The following CDYL2 variants were observed in gnomAD, a reference collection of about 807,000 sequenced individuals.
The protein encoded by CDYL2 is chromodomain Y-like protein 2.
In CDYL2, 23 loss-of-function variants were observed where a neutral mutation model predicts 49.4. The ratio of observed to expected loss-of-function variants is 0.47; its 90% CI spans 0.34 to 0.66. The LOEUF (loss-of-function observed/expected upper bound fraction) is 0.66, where lower values mean the gene tolerates loss of function less well. Among genes scored for constraint, CDYL2 ranks in the 30% least tolerant of loss-of-function variants. CDYL2 has a pLI of 0.01. For synonymous variants in CDYL2, 360 were observed against 268.8 expected (o/e 1.34, Z -3.32); for missense variants, 678 against 656.4 (o/e 1.03, Z -0.36).
intron 4 of CDYL2, among the ~76,000 whole-genome samples, chr16:80,616,771 C>T (rs143936611): frequency 8.4e-4 from 128 of 152,352 alleles, no homozygotes; most frequent in Non-Finnish European, 1.4e-3. Flanking sequence ...ATAATAAGAA[C>T]TCCAAGAACA....
At chr16:80,706,984 T>C (rs1192654981) in intron 1 of CDYL2, among the ~76,000 whole-genome samples, 3 of 152,096 alleles carry the variant, frequency 2.0e-5, no homozygotes, top group Non-Finnish European at 4.4e-5. Flanking sequence ...TTTCCACCCA[T>C]GTTCTGGGAA....
intron 2 of CDYL2, among the ~76,000 whole-genome samples, chr16:80,679,577 T>C (rs535196205): frequency 3.6e-4 from 55 of 152,314 alleles, no homozygotes; most frequent in Non-Finnish European, 6.9e-4. Context: ...TCACACAAGG[T>C]ACTTTGGAAA....
chr16:80,659,683 T>G (rs1908963807), intron 2 of CDYL2, among the ~76,000 whole-genome samples: 1 of 151,928 alleles, frequency 6.6e-6, no homozygotes, highest in South Asian at 2.1e-4. Context: ...AAAAACTGGT[T>G]AATCAGAAAA....
At chr16:80,646,000 G>A (rs1597146161) in intron 2 of CDYL2, among the ~76,000 whole-genome samples, 1 of 114,626 alleles carries the variant, frequency 8.7e-6, no homozygotes, top group East Asian at 3.3e-4. Flanking sequence ...TGGGGGGAGG[G>A]GGGAGGGGGG....
chr16:80,708,130 G>C (rs892990223), intron 1 of CDYL2, among the ~76,000 whole-genome samples: 19 of 152,138 alleles, frequency 1.2e-4, no homozygotes, highest in African/African-American at 4.6e-4. Context: ...TGGAAGGATA[G>C]GAGGAAACTC....
Position 80,744,057 on chromosome 16 carries a change from A to G in CDYL2, c.25-58928T>C, listed in dbSNP as rs146489642. On this transcript the variant is annotated intron_variant, in intron 1 of 6. Coordinates refer to ENST00000570137, the MANE Select transcript of CDYL2 (RefSeq NM_152342.4). ...ATTTATTCACCCATTTAATATGTTC[A>G]AAACCCCCAGGAATTAGGTATCATT... is the stretch of plus-strand genomic sequence containing the variant. Among the ~76,000 whole-genome samples, 356 of 8,456 alleles carry G rather than the reference A, an allele frequency of 0.042. 1 individual carries two copies. In the South Asian group the frequency reaches 0.46, roughly 11 times the overall value. The allele number at this position is 8,456 out of a possible 152,430, so 5.5% of individuals were successfully genotyped here. A position where few individuals can be genotyped will look rare whatever the true frequency, so the allele number is the denominator to read the frequency against.
chr16:80,604,834 C>T lies in CDYL2; in HGVS notation c.1363-288G>A, dbSNP rs189264876. Among the ~76,000 whole-genome samples, 10 of 152,290 alleles carry T rather than the reference C, an allele frequency of 6.6e-5. No homozygotes were observed. In the East Asian group the frequency reaches 1.9e-3, roughly 29 times the overall value. ...CCAATGGTGATACAAACACAGAGTCCTTTTCTATAGGTGTCATGAAAAAGT... is the reference window on the plus strand; with the variant it reads ...CCAATGGTGATACAAACACAGAGTCTTTTTCTATAGGTGTCATGAAAAAGT... On this transcript the variant is annotated intron_variant, in intron 6 of 6. Transcript: ENST00000570137.
chr16:80,691,815 G>T (rs543995296), intron 1 of CDYL2, among the ~76,000 whole-genome samples: 7 of 152,082 alleles, frequency 4.6e-5, no homozygotes, highest in African/African-American at 1.7e-4. Context: ...GAAACCAACA[G>T]GTTGAGAAGG....
intron 1 of CDYL2, among the ~76,000 whole-genome samples, chr16:80,762,401 A>G (rs1387966593): frequency 6.6e-6 from 1 of 152,188 alleles, no homozygotes; most frequent in African/African-American, 2.4e-5. Flanking sequence ...TGGAAAGAGC[A>G]GAATATGACT....
intron 5 of CDYL2, among the ~76,000 whole-genome samples, chr16:80,610,397 C>G (rs1906542652): frequency 6.6e-6 from 1 of 152,128 alleles, no homozygotes; most frequent in Admixed American, 6.5e-5. Context: ...CCGATAAAAT[C>G]AAGACATCAA....
chr16:80,607,463 C>A (rs1464334216), intron 6 of CDYL2, among the ~76,000 whole-genome samples: 1 of 152,220 alleles, frequency 6.6e-6, no homozygotes, highest in Non-Finnish European at 1.5e-5. Context: ...CAAAATGCCT[C>A]TCTCAGCTCT....
intron 2 of CDYL2, among the ~76,000 whole-genome samples, chr16:80,670,304 C>T (rs1909447345): frequency 6.6e-6 from 1 of 152,050 alleles, no homozygotes; most frequent in African/African-American, 2.4e-5. Context: ...GGCGGTTACC[C>T]TCATGCTGTT....
intron 2 of CDYL2, among the ~76,000 whole-genome samples, chr16:80,659,193 T>G (rs895785529): frequency 6.6e-5 from 10 of 152,116 alleles, no homozygotes; most frequent in African/African-American, 2.4e-4. Context: ...AATCTAACCT[T>G]GAAGAAACAT....
chr16:80,624,722 A>G, intron 3 of CDYL2, among the ~76,000 whole-genome samples: 1 of 152,256 alleles, frequency 6.6e-6, no homozygotes, highest in African/African-American at 2.4e-5. Context: ...GAAAACAGAC[A>G]TGAACAATAA....
In CDYL2 at chr16:80,762,351, CAA is replaced by C. The variant is rs141806092; in HGVS notation, c.24+41797_24+41798del. 2.2e-3 allele frequency among the ~76,000 whole-genome samples: 333 copies of C among 152,228 alleles called. 1 individual carries two copies. Among genetic ancestry groups the C allele is most frequent in the Admixed American group, 5.0e-3 (77 of 15,306 alleles). On this transcript the variant is annotated intron_variant, in intron 1 of 6. Coordinates refer to ENST00000570137, the MANE Select transcript of CDYL2 (RefSeq NM_152342.4). ...AAGAACGTAAGAAAGCACGACTGTG[CAA>C]AGAGGTGAGCCAGGCTTCAACGGGA...
chr16:80,694,960 A>G (rs781529606), intron 1 of CDYL2, among the ~76,000 whole-genome samples: 12 of 152,250 alleles, frequency 7.9e-5, no homozygotes, highest in Non-Finnish European at 1.5e-4. Context: ...TCTGAGTAAC[A>G]GAACAAAATT....
intron 1 of CDYL2, among the ~76,000 whole-genome samples, chr16:80,802,307 C>G (rs536035516): frequency 2.6e-5 from 4 of 152,216 alleles, no homozygotes; most frequent in Non-Finnish European, 5.9e-5. Context: ...TCTAAGCTGA[C>G]TCAACCTCAA....
intron 1 of CDYL2, among the ~76,000 whole-genome samples, chr16:80,727,577 G>A (rs961161601): frequency 2.0e-5 from 3 of 152,228 alleles, no homozygotes; most frequent in South Asian, 2.1e-4. Flanking sequence ...CAGGAAGCTC[G>A]AACTGGGTGG....
chr16:80,758,418 A>G (rs1906389060), intron 1 of CDYL2, among the ~76,000 whole-genome samples: 1 of 152,166 alleles, frequency 6.6e-6, no homozygotes, highest in South Asian at 2.1e-4. Context: ...TTGGGGAGGT[A>G]ATTTCGAAGT....
Sources: gnomAD v4.1 joint callset for allele counts (sites outside exome capture counted in the v4.1 genomes callset) on GRCh38, gnomAD v4.1.1 for gene constraint, MANE v1.5 for transcripts, NCBI Gene and HGNC (gene_info 2026-07-23, HGNC 2026-07-21) for gene names.